SLC7A1: variants seen among roughly 807,000 people sequenced by gnomAD.
SLC7A1 encodes the protein solute carrier family 7 member 1, also known as high affinity cationic amino acid transporter 1.
Under a neutral mutation model 53.9 loss-of-function variants are expected in SLC7A1, and 10 were observed. That is an observed-to-expected ratio of 0.19 (90% confidence interval 0.11 to 0.31). The LOEUF (loss-of-function observed/expected upper bound fraction) is 0.31, where lower values mean the gene tolerates loss of function less well. SLC7A1 is among the 10% of genes least tolerant of loss of function. The probability of loss-of-function intolerance (pLI) is 1.00; values close to 1 mark genes in which losing one functional copy is unlikely to be tolerated. For missense variants in SLC7A1, 525 were observed against 827.2 expected (o/e 0.63, Z 4.48); for synonymous variants, 342 against 338.7 (o/e 1.01, Z -0.11).
intron 2 of SLC7A1, among the ~76,000 whole-genome samples, chr13:29,543,109 C>T (rs1869738885): frequency 6.6e-6 from 1 of 152,142 alleles, no homozygotes; most frequent in Admixed American, 6.5e-5. Context: ...TTGGAAAGCA[C>T]AGAGTGGTGG....
chr13:29,514,681 A>C, intron 12 of SLC7A1, 98 bp from the exon 13 acceptor site: 1 of 883,878 alleles, frequency 1.1e-6, no homozygotes, highest in Non-Finnish European at 1.8e-6. Flanking sequence ...AAACCCTCTC[A>C]GGCGGCCTGC....
intron 1 of SLC7A1, among the ~76,000 whole-genome samples, chr13:29,560,597 T>C (rs1870713679): frequency 6.6e-6 from 1 of 152,124 alleles, no homozygotes; most frequent in Admixed American, 6.6e-5. Flanking sequence ...CCTAATTGCA[T>C]GTGCTATACT....
intron 10 of SLC7A1, 28 bp from the exon 11 acceptor site, chr13:29,517,338 T>A: frequency 6.3e-7 from 1 of 1,587,970 alleles, no homozygotes; most frequent in Non-Finnish European, 8.6e-7. Flanking sequence ...GACAGCAAGC[T>A]GCAACTCAAC....
At chr13:29,549,535 T>C in intron 2 of SLC7A1, among the ~76,000 whole-genome samples, 1 of 152,200 alleles carries the variant, frequency 6.6e-6, no homozygotes, top group Non-Finnish European at 1.5e-5. Context: ...CCCCTCAATA[T>C]GCCAACATTC....
At chr13:29,518,744 G>T (rs752422822) in intron 9 of SLC7A1, among the ~76,000 whole-genome samples, 1 of 152,170 alleles carries the variant, frequency 6.6e-6, no homozygotes, top group East Asian at 1.9e-4. Flanking sequence ...TCCCTGAAAA[G>T]AAATGAGGAG....
chr13:29,551,286 G>A (rs960990971), intron 2 of SLC7A1, among the ~76,000 whole-genome samples: 50 of 152,140 alleles, frequency 3.3e-4, no homozygotes, highest in Non-Finnish European at 1.5e-5. Flanking sequence ...AGAGGCTGAG[G>A]AAGAGCAGGG....
intron 6 of SLC7A1, among the ~76,000 whole-genome samples, chr13:29,523,741 G>A (rs1868746665): frequency 6.6e-6 from 1 of 152,236 alleles, no homozygotes; most frequent in Non-Finnish European, 1.5e-5. Flanking sequence ...TGCAGCCAAG[G>A]AAGAGACTTG....
intron 1 of SLC7A1, among the ~76,000 whole-genome samples, chr13:29,556,306 A>T (rs1473081538): frequency 6.6e-6 from 1 of 152,142 alleles, no homozygotes; most frequent in East Asian, 1.9e-4. Context: ...TGTTACTTAT[A>T]GTAACACAAA....
At chr13:29,578,776 C>G (rs1198295856) in intron 1 of SLC7A1, among the ~76,000 whole-genome samples, 2 of 152,236 alleles carry the variant, frequency 1.3e-5, no homozygotes, top group African/African-American at 4.8e-5. Context: ...CCCTCAATAC[C>G]CCGGCTCCCT....
intron 1 of SLC7A1, among the ~76,000 whole-genome samples, chr13:29,590,359 C>T (rs1872057814): frequency 6.6e-6 from 1 of 152,166 alleles, no homozygotes; most frequent in African/African-American, 2.4e-5. Flanking sequence ...CCGTCCTGCC[C>T]CCCACCAAAC....
chr13:29,554,072 A>G (rs1870322717), intron 1 of SLC7A1, among the ~76,000 whole-genome samples: 1 of 152,202 alleles, frequency 6.6e-6, no homozygotes, highest in Non-Finnish European at 1.5e-5. Flanking sequence ...GCCAGAATAG[A>G]TGCCCTCCGC....
At chr13:29,575,787 G>A (rs1380289231) in intron 1 of SLC7A1, among the ~76,000 whole-genome samples, 1 of 152,162 alleles carries the variant, frequency 6.6e-6, no homozygotes, top group African/African-American at 2.4e-5. Flanking sequence ...CAAAGAAAGA[G>A]ATTTCTGTCC....
intron 1 of SLC7A1, among the ~76,000 whole-genome samples, chr13:29,587,746 G>A (rs913659244): frequency 1.3e-5 from 2 of 152,260 alleles, no homozygotes; most frequent in African/African-American, 2.4e-5. Flanking sequence ...CACCAAGGCT[G>A]GTTAAGTCTG....
At chr13:29,539,626 C>T (rs1211550105) in intron 2 of SLC7A1, among the ~76,000 whole-genome samples, 3 of 152,186 alleles carry the variant, frequency 2.0e-5, no homozygotes, top group African/African-American at 7.2e-5. Context: ...CGCAGCGGCC[C>T]GTTTTATCCG....
intron 1 of SLC7A1, among the ~76,000 whole-genome samples, chr13:29,560,580 T>C (rs933463649): frequency 6.6e-6 from 1 of 152,088 alleles, no homozygotes; most frequent in Non-Finnish European, 1.5e-5. Flanking sequence ...AAGGATTATG[T>C]ACTGTACCTA....
rs60668992 is a variant in SLC7A1, at chr13:29,552,811, G to A, written c.-15+950C>T. 1.8e-4 allele frequency among the ~76,000 whole-genome samples: 27 copies of A among 152,066 alleles called. No homozygotes were observed. The East Asian group carries it at 3.5e-3, about 20-fold the overall frequency. ...TTCGAGGCTCTCAGCTCTGAAGGCC[G>A]TCAGCCCCAATTTCCCACTCCACAT... On this transcript the variant is annotated intron_variant, in intron 2 of 12. Coordinates refer to ENST00000380752, the MANE Select transcript of SLC7A1 (RefSeq NM_003045.5).
intron 2 of SLC7A1, among the ~76,000 whole-genome samples, chr13:29,544,905 G>A (rs1225632616): frequency 3.4e-5 from 5 of 147,776 alleles, no homozygotes; most frequent in African/African-American, 1.3e-4. Flanking sequence ...GACTCAACTC[G>A]GCCCCCTCAA....
At chr13:29,591,986 C>T (rs950306270) in intron 1 of SLC7A1, among the ~76,000 whole-genome samples, 1 of 152,170 alleles carries the variant, frequency 6.6e-6, no homozygotes, top group South Asian at 2.1e-4. Flanking sequence ...TACTGTGAGG[C>T]TGAGAGGGAC....
rs562265754 is a variant in SLC7A1 at position 29,544,616 on chromosome 13, C to T, written c.-14-8414G>A. 6.1e-4 allele frequency among the ~76,000 whole-genome samples: 93 copies of T among 152,214 alleles called. 1 individual carries two copies. Among genetic ancestry groups the T allele is most frequent in the Admixed American group, 1.8e-3 (27 of 15,302 alleles). On this transcript the variant is annotated intron_variant, in intron 2 of 12. Coordinates refer to ENST00000380752, the MANE Select transcript of SLC7A1 (RefSeq NM_003045.5). ...TTTAAGTAATAATGCCTGGCCCCAG[C>T]ACAAATCAAATAACTTCTATAACAT...
Sources: allele counts gnomAD v4.1 joint callset (sites outside exome capture counted in the v4.1 genomes callset), GRCh38; gene constraint gnomAD v4.1.1; transcripts MANE v1.5; gene names NCBI Gene and HGNC (gene_info 2026-07-23, HGNC 2026-07-21).